RPS6KC1: variants seen among roughly 807,000 people sequenced by gnomAD.
RPS6KC1 encodes the protein ribosomal protein S6 kinase C1, also known as inactive ribosomal protein S6 kinase delta-1.
RPS6KC1 carries 54 observed loss-of-function variants against 103.8 expected under a neutral mutation model. The ratio of observed to expected loss-of-function variants is 0.52; its 90% CI spans 0.42 to 0.65. The LOEUF (loss-of-function observed/expected upper bound fraction) is 0.65, where lower values mean the gene tolerates loss of function less well. RPS6KC1 is among the 30% of genes least tolerant of loss of function. The pLI, the probability that RPS6KC1 is intolerant of heterozygous loss-of-function variation, is 0.00. For missense variants in RPS6KC1, 1,151 were observed against 1,253.8 expected (o/e 0.92, Z 1.24); for synonymous variants, 439 against 438.7 (o/e 1.00, Z -0.01).
chr1:213,414,520 AC>A, the RPS6KC1 span, among the ~76,000 whole-genome samples: 4 of 152,180 alleles, frequency 2.6e-5, no homozygotes, highest in African/African-American at 9.6e-5. Context: ...GTTGAGGAGC[AC>A]CAAGGATTGC....
At chr1:213,099,116 A>C (rs368558796) in intron 3 of RPS6KC1, among the ~76,000 whole-genome samples, 88 of 152,304 alleles carry the variant, frequency 5.8e-4, no homozygotes, top group African/African-American at 2.0e-3. Flanking sequence ...ACACAAGTAG[A>C]GAATGGTTGC....
At chr1:213,308,316 GAA>G in the RPS6KC1 span, among the ~76,000 whole-genome samples, 11 of 55,836 alleles carry the variant, frequency 2.0e-4, no homozygotes, top group South Asian at 7.2e-4. Flanking sequence ...CCTGTCTCCA[GAA>G]AAAAAAAAAA....
At chr1:213,234,211 A>G (rs1036055313) in intron 10 of RPS6KC1, among the ~76,000 whole-genome samples, 24 of 151,924 alleles carry the variant, frequency 1.6e-4, no homozygotes, top group African/African-American at 2.9e-4. Flanking sequence ...GGGTCTCTCT[A>G]TGTTGCCCAA....
At chr1:213,056,069 C>T (rs907219700) in intron 1 of RPS6KC1, among the ~76,000 whole-genome samples, 1 of 151,974 alleles carries the variant, frequency 6.6e-6, no homozygotes, top group Non-Finnish European at 1.5e-5. Context: ...TGGCTTTGCA[C>T]CTATTTAAAG....
chr1:213,306,447 T>G, the RPS6KC1 span, among the ~76,000 whole-genome samples: 4 of 152,238 alleles, frequency 2.6e-5, no homozygotes, highest in Non-Finnish European at 4.4e-5. Context: ...GCATCCATTA[T>G]GTAGGCTTTA....
chr1:213,842,468 T>G, the RPS6KC1 span, among the ~76,000 whole-genome samples: 1 of 152,144 alleles, frequency 6.6e-6, no homozygotes, highest in African/African-American at 2.4e-5. Flanking sequence ...TAGCTTTTAT[T>G]TTATTTTGAC....
At chr1:213,270,042 G>A (rs965935759) in intron 14 of RPS6KC1, among the ~76,000 whole-genome samples, 1 of 151,988 alleles carries the variant, frequency 6.6e-6, no homozygotes, top group Non-Finnish European at 1.5e-5. Flanking sequence ...AGCAAAATTG[G>A]GAAACCTTTA....
chr1:213,647,774 G>A, the RPS6KC1 span, among the ~76,000 whole-genome samples: 1 of 152,180 alleles, frequency 6.6e-6, no homozygotes, highest in African/African-American at 2.4e-5. Context: ...ATATCCCAAA[G>A]TACCATTTGT....
intron 8 of RPS6KC1, among the ~76,000 whole-genome samples, chr1:213,212,570 C>A (rs1407460672): frequency 5.3e-5 from 8 of 152,154 alleles, no homozygotes; most frequent in Non-Finnish European, 1.2e-4. Flanking sequence ...TGTGGACATG[C>A]ATTTTCAGCT....
chr1:213,756,630 T>C, the RPS6KC1 span, among the ~76,000 whole-genome samples: 2 of 152,272 alleles, frequency 1.3e-5, no homozygotes, highest in South Asian at 4.1e-4. Flanking sequence ...TCTTCCACTT[T>C]TTTTTGAGAC....
At chr1:213,741,292 T>C in the RPS6KC1 span, among the ~76,000 whole-genome samples, 3 of 152,196 alleles carry the variant, frequency 2.0e-5, no homozygotes, top group South Asian at 6.2e-4. Flanking sequence ...AATTTTGACA[T>C]ATACAATGTA....
chr1:213,745,777 C>T, the RPS6KC1 span, among the ~76,000 whole-genome samples: 19 of 152,290 alleles, frequency 1.2e-4, no homozygotes, highest in African/African-American at 2.2e-4. Context: ...CCCGTCCTCC[C>T]GCACTTTGTC....
the RPS6KC1 span, among the ~76,000 whole-genome samples, chr1:213,557,995 A>G: frequency 6.6e-6 from 1 of 152,244 alleles, no homozygotes; most frequent in African/African-American, 2.4e-5. Context: ...AAAACTTTCT[A>G]GAAGGATGAG....
At chr1:213,634,345 C>T in the RPS6KC1 span, among the ~76,000 whole-genome samples, 2 of 152,162 alleles carry the variant, frequency 1.3e-5, no homozygotes, top group Non-Finnish European at 2.9e-5. Context: ...CACTCCTTAG[C>T]AAATGTAAAA....
chr1:213,581,155 C>T, the RPS6KC1 span, among the ~76,000 whole-genome samples: 1 of 151,930 alleles, frequency 6.6e-6, no homozygotes, highest in Non-Finnish European at 1.5e-5. Context: ...GAGAGTAGTT[C>T]TGGTACCTGA....
At chr1:213,778,593 T>C in the RPS6KC1 span, among the ~76,000 whole-genome samples, 2 of 152,022 alleles carry the variant, frequency 1.3e-5, no homozygotes, top group Non-Finnish European at 2.9e-5. Context: ...TCTGGTTGTT[T>C]AGGTGAGAGG....
the RPS6KC1 span, among the ~76,000 whole-genome samples, chr1:213,662,319 G>A: frequency 6.6e-6 from 1 of 151,868 alleles, no homozygotes; most frequent in Admixed American, 6.6e-5. Context: ...CCAGGCTGGA[G>A]TGCAGTGGCA....
chr1:213,692,567 T>G, the RPS6KC1 span, among the ~76,000 whole-genome samples: 4 of 152,228 alleles, frequency 2.6e-5, no homozygotes, highest in East Asian at 7.7e-4. Context: ...TCCCTTGCGG[T>G]GGGCTGTCCA....
the RPS6KC1 span, among the ~76,000 whole-genome samples, chr1:213,292,290 A>C: frequency 6.6e-6 from 1 of 151,956 alleles, no homozygotes; most frequent in Non-Finnish European, 1.5e-5. Flanking sequence ...AAAACAAAAC[A>C]AAAAAAACAT....
Sources: gnomAD v4.1 joint callset for allele counts (sites outside exome capture counted in the v4.1 genomes callset) on GRCh38, gnomAD v4.1.1 for gene constraint, MANE v1.5 for transcripts, NCBI Gene and HGNC (gene_info 2026-07-23, HGNC 2026-07-21) for gene names.